SNX25: variants seen among roughly 807,000 people sequenced by gnomAD.
SNX25 encodes the protein sorting nexin 25, also known as sorting nexin-25.
A neutral mutation model predicts 113.7 loss-of-function variants in SNX25; 62 were observed. That is an observed-to-expected ratio of 0.55 (90% CI 0.44 to 0.67). The LOEUF (loss-of-function observed/expected upper bound fraction) is 0.67, where lower values mean the gene tolerates loss of function less well. SNX25 is among the 30% of genes least tolerant of loss of function. The probability of loss-of-function intolerance (pLI) is 0.00; values close to 1 mark genes in which losing one functional copy is unlikely to be tolerated. For synonymous variants in SNX25, 421 were observed against 436.2 expected, an observed-to-expected ratio of 0.97 and a Z score of 0.43; for missense variants, 1,014 against 1,161.0, an observed-to-expected ratio of 0.87 and a Z score of 1.84.
intron 2 of SNX25, among the ~76,000 whole-genome samples, chr4:185,255,324 G>A (rs1240729543): frequency 2.6e-5 from 4 of 152,052 alleles, no homozygotes; most frequent in Non-Finnish European, 4.4e-5. Flanking sequence ...AGTAAAGACA[G>A]GGTTTCACCA....
chr4:185,257,019 A>G (rs1746543603), intron 2 of SNX25, among the ~76,000 whole-genome samples: 1 of 152,118 alleles, frequency 6.6e-6, no homozygotes, highest in South Asian at 2.1e-4. Context: ...TGACACGTAT[A>G]GGTTAGTTGT....
chr4:185,224,666 TA>T (rs936282221), intron 1 of SNX25, among the ~76,000 whole-genome samples: 3 of 147,662 alleles, frequency 2.0e-5, no homozygotes, highest in Non-Finnish European at 4.5e-5. Flanking sequence ...TAAGTATATA[TA>T]AAAATATATA....
chr4:185,371,130 G>T, downstream of SNX25: 1 of 230,634 alleles, frequency 4.3e-6, no homozygotes, highest in Non-Finnish European at 8.7e-6. Flanking sequence ...GATTTAAACT[G>T]AACGGAGAAG....
upstream of SNX25, among the ~76,000 whole-genome samples, chr4:185,207,295 C>T (rs1436687474): frequency 7.1e-6 from 1 of 140,416 alleles, no homozygotes; most frequent in African/African-American, 2.7e-5. Flanking sequence ...CGGCTCACTG[C>T]AAGCTCTGCC....
intron 1 of SNX25, among the ~76,000 whole-genome samples, chr4:185,227,907 A>C (rs994654116): frequency 6.6e-6 from 1 of 152,146 alleles, no homozygotes; most frequent in Non-Finnish European, 1.5e-5. Context: ...CAGCGAGTCC[A>C]AGCGCAGGCA....
At chr4:185,378,421 T>C in the SNX25 span, 7 of 1,345,016 alleles carry the variant, frequency 5.2e-6, no homozygotes, top group Admixed American at 2.3e-4. Context: ...CCATGTCATT[T>C]TCCACAGCAT....
intron 1 of SNX25, among the ~76,000 whole-genome samples, chr4:185,217,160 G>A (rs1579318624): frequency 6.6e-6 from 1 of 152,080 alleles, no homozygotes; most frequent in East Asian, 1.9e-4. Flanking sequence ...GCCGAGTGCA[G>A]TGGCTCACGC....
At chr4:185,375,513 T>TA in the SNX25 span, 1 of 87,152 alleles carries the variant, frequency 1.1e-5, no homozygotes, top group Non-Finnish European at 2.0e-5. Context: ...TATATATATA[T>TA]ATGTATATAT....
chr4:185,230,932 A>C (rs1741740060), intron 1 of SNX25, among the ~76,000 whole-genome samples: 2 of 152,148 alleles, frequency 1.3e-5, no homozygotes, highest in African/African-American at 4.8e-5. Flanking sequence ...TTCAAGTTAC[A>C]GATAGGGGCT....
rs186249085 is a variant in SNX25 at position 185,246,010 on chromosome 4, G to C, written c.430-1284G>C. Among the ~76,000 whole-genome samples, 568 of 152,258 alleles carry C rather than the reference G, an allele frequency of 3.7e-3. 5 individuals are homozygous for C. The highest frequency in any genetic ancestry group is 0.013 in the African/African-American group (547 of 41,558). On this transcript the variant is annotated intron_variant, in intron 1 of 18. Coordinates refer to ENST00000652585, the MANE Select transcript of SNX25 (RefSeq NM_001378034.2). Reference sequence around the variant, plus strand: ...GCAGAATAGAAAGTCCTTTAGGCCGGGTGCGGTGGCTCACGCCTGTAATCC... The same window carrying C: ...GCAGAATAGAAAGTCCTTTAGGCCGCGTGCGGTGGCTCACGCCTGTAATCC...
intron 6 of SNX25, 46 bp from the exon 7 acceptor site, chr4:185,310,589 C>T: frequency 6.4e-7 from 1 of 1,561,308 alleles, no homozygotes; most frequent in Non-Finnish European, 8.7e-7. Flanking sequence ...TGTGTCCTTT[C>T]ATGCCTTGTC....
intron 1 of SNX25, among the ~76,000 whole-genome samples, chr4:185,219,538 C>T (rs562788396): frequency 8.1e-4 from 123 of 151,746 alleles, no homozygotes; most frequent in Non-Finnish European, 1.5e-3. Context: ...CAGGCTGGGA[C>T]GACAGAGCAA....
intron 6 of SNX25, among the ~76,000 whole-genome samples, chr4:185,300,945 G>A (rs1391411906): frequency 1.3e-5 from 2 of 151,328 alleles, no homozygotes; most frequent in Non-Finnish European, 2.9e-5. Flanking sequence ...ATACTGTTGG[G>A]GCACTTTAGG....
At chr4:185,295,595 G>A (rs902805850) in intron 6 of SNX25, among the ~76,000 whole-genome samples, 10 of 151,938 alleles carry the variant, frequency 6.6e-5, no homozygotes, top group Non-Finnish European at 1.2e-4. Context: ...GATGACAGGT[G>A]CACACCACTG....
intron 15 of SNX25, among the ~76,000 whole-genome samples, chr4:185,355,025 T>C (rs961906931): frequency 1.3e-5 from 2 of 152,246 alleles, no homozygotes; most frequent in East Asian, 1.9e-4. Flanking sequence ...TGGTCTTACA[T>C]AGGAAATGGG....
chr4:185,333,635 C>G (rs928204749), intron 10 of SNX25, among the ~76,000 whole-genome samples: 1 of 151,894 alleles, frequency 6.6e-6, no homozygotes, highest in Non-Finnish European at 1.5e-5. Context: ...TTTTCTTTAA[C>G]AAAGAAAAAG....
downstream of SNX25, chr4:185,366,475 A>G (rs2095388475): frequency 6.6e-6 from 1 of 152,216 alleles, no homozygotes; most frequent in Non-Finnish European, 1.5e-5. Context: ...TTGGAGGGGC[A>G]AGATTCTAAA....
intron 5 of SNX25, among the ~76,000 whole-genome samples, chr4:185,273,873 G>T (rs754895153): frequency 3.3e-5 from 5 of 152,086 alleles, no homozygotes; most frequent in African/African-American, 1.2e-4. Context: ...CAGGCAGTCC[G>T]GGACTTGTGG....
intron 16 of SNX25, among the ~76,000 whole-genome samples, chr4:185,360,045 A>G (rs1254489331): frequency 1.3e-5 from 2 of 152,212 alleles, no homozygotes; most frequent in East Asian, 1.9e-4. Context: ...ACAATTTCAC[A>G]TGCTAGAATT....
Sources: allele counts gnomAD v4.1 joint callset (sites outside exome capture counted in the v4.1 genomes callset), GRCh38; gene constraint gnomAD v4.1.1; transcripts MANE v1.5; gene names NCBI Gene and HGNC (gene_info 2026-07-23, HGNC 2026-07-21).